ROBO2: variants seen among roughly 807,000 people sequenced by gnomAD.
ROBO2 encodes roundabout homolog 2.
A neutral mutation model predicts 160.8 loss-of-function variants in ROBO2; 53 were observed. The ratio of observed to expected loss-of-function variants is 0.33; its 90% confidence interval spans 0.26 to 0.41. ROBO2 has a LOEUF of 0.41. Ranked by LOEUF, ROBO2 falls within the 10% of genes least tolerant of loss-of-function variation. ROBO2 has a pLI of 1.00. For synonymous variants in ROBO2, 664 were observed against 611.7 expected, an observed-to-expected ratio of 1.09 and a Z score of -1.26; for missense variants, 1,577 against 1,722.4, an observed-to-expected ratio of 0.92 and a Z score of 1.49.
intron 2 of ROBO2, among the ~76,000 whole-genome samples, chr3:76,760,861 A>T (rs1173654525): frequency 1.3e-5 from 2 of 151,676 alleles, no homozygotes; most frequent in Non-Finnish European, 2.9e-5. Context: ...TGCAAAAAAT[A>T]TTTCATATTT....
intron 2 of ROBO2, among the ~76,000 whole-genome samples, chr3:76,049,426 T>G (rs1408903282): frequency 2.5e-5 from 3 of 121,378 alleles, no homozygotes; most frequent in Non-Finnish European, 1.7e-5. Flanking sequence ...TTTTTTTTTG[T>G]AGAGACAGAG....
chr3:76,529,644 C>A (rs552825640), intron 2 of ROBO2, among the ~76,000 whole-genome samples: 48 of 152,154 alleles, frequency 3.2e-4, no homozygotes, highest in African/African-American at 1.1e-3. Context: ...AAATTATTTT[C>A]TTTTCTATAC....
At chr3:76,810,758 C>A (rs998270780) in intron 2 of ROBO2, among the ~76,000 whole-genome samples, 2 of 151,918 alleles carry the variant, frequency 1.3e-5, no homozygotes, top group African/African-American at 2.4e-5. Context: ...AACCTGAAAA[C>A]AAAAAATTAC....
rs200483677 is a variant in ROBO2 at position 77,481,103 on chromosome 3, G to A, written c.551G>A (p.Arg184His). The A allele has an allele frequency of 2.8e-4, 445 of 1,611,478 alleles. 1 individual carries two copies. The highest frequency in any genetic ancestry group is 3.2e-4 in the Non-Finnish European group (376 of 1,178,738). The change falls in exon 4 of 26, where the codon CGT becomes CAT. Residue 184 changes from arginine (R) to histidine (H), a missense_variant. By Grantham distance (29) the Arg-to-His change is conservative. Coordinates refer to ENST00000461745, the Ensembl canonical transcript of ROBO2. ...CTTTTTGTTTGATTTTAACAGATCC[G>A]TGGTGGAAAACTGATGATCTCCAAT...
chr3:76,535,687 T>C (rs2082457833), intron 2 of ROBO2, among the ~76,000 whole-genome samples: 1 of 152,064 alleles, frequency 6.6e-6, no homozygotes, highest in Non-Finnish European at 1.5e-5. Flanking sequence ...GTTGTCCAAG[T>C]TGACACCAGA....
At chr3:76,412,488 G>A (rs1230783168) in intron 2 of ROBO2, among the ~76,000 whole-genome samples, 2 of 152,194 alleles carry the variant, frequency 1.3e-5, no homozygotes, top group Non-Finnish European at 2.9e-5. Flanking sequence ...CTATGAGCTT[G>A]TAAAATCAAA....
In ROBO2 at chr3:76,684,680, T is replaced by G. The variant is rs185544528; in HGVS notation, c.110-413334T>G. Among the ~76,000 whole-genome samples, 3 of 152,030 alleles carry G rather than the reference T, an allele frequency of 2.0e-5. No homozygotes were observed. In the Admixed American group the frequency reaches 2.0e-4, roughly 10 times the overall value. On this transcript the variant is annotated intron_variant, in intron 2 of 26. Transcript: ENST00000487694. The stretch of plus-strand genomic sequence containing the variant: ...TCACTGACTAAAACTGTACATATTT[T>G]GTTATACTACTATGTAAAAATAAAC...
chr3:77,033,940 C>T (rs1030225595), intron 2 of ROBO2, among the ~76,000 whole-genome samples: 5 of 151,720 alleles, frequency 3.3e-5, no homozygotes, highest in African/African-American at 1.2e-4. Flanking sequence ...AATCCAGTGA[C>T]GTGAGGGGTT....
intron 1 of ROBO2, among the ~76,000 whole-genome samples, chr3:77,087,332 C>T (rs1455751615): frequency 1.3e-5 from 2 of 152,078 alleles, no homozygotes; most frequent in East Asian, 3.9e-4. Context: ...TTTCAAACCA[C>T]ATGAAAATAT....
intron 2 of ROBO2, among the ~76,000 whole-genome samples, chr3:76,529,321 C>T (rs1197341899): frequency 6.6e-6 from 1 of 152,146 alleles, no homozygotes; most frequent in Non-Finnish European, 1.5e-5. Flanking sequence ...ATGTACATTG[C>T]TCTGCATGTA....
At chr3:76,936,135 G>A (rs974543411) in intron 2 of ROBO2, among the ~76,000 whole-genome samples, 1 of 151,852 alleles carries the variant, frequency 6.6e-6, no homozygotes, top group African/African-American at 2.4e-5. Context: ...TGCATATTAT[G>A]TTCATATGGA....
intron 1 of ROBO2, among the ~76,000 whole-genome samples, chr3:75,911,859 G>A (rs1946608515): frequency 6.6e-6 from 1 of 152,092 alleles, no homozygotes. Context: ...CCCTGCCGAA[G>A]CCTTGTTTCT....
intron 1 of ROBO2, among the ~76,000 whole-genome samples, chr3:77,050,657 ATTT>A (rs59318050): frequency 1.4e-5 from 2 of 140,904 alleles, no homozygotes; most frequent in African/African-American, 5.2e-5. Context: ...GTCTCAAAAC[ATTT>A]TTTTTTTTTT....
intron 2 of ROBO2, among the ~76,000 whole-genome samples, chr3:76,532,700 A>G (rs2082292674): frequency 6.6e-6 from 1 of 152,136 alleles, no homozygotes; most frequent in African/African-American, 2.4e-5. Context: ...CTTTCATTAA[A>G]AGATGCATGT....
intron 2 of ROBO2, among the ~76,000 whole-genome samples, chr3:75,991,644 G>A (rs1559811579): frequency 6.6e-6 from 1 of 152,088 alleles, no homozygotes. Flanking sequence ...CAGTAGAGTG[G>A]AGTGTTGCTG....
rs143540752 is a variant in ROBO2 at position 77,439,659 on chromosome 3, AT to A, written c.389-37753del. The stretch of plus-strand genomic sequence containing the variant: ...GAGAAGACGCATGCTAACCATTAGT[AT>A]TAAGGAGTACAAGGCAACCTACTAA... On this transcript the variant is annotated intron_variant, in intron 2 of 25. Coordinates refer to ENST00000461745, the Ensembl canonical transcript of ROBO2. Among the ~76,000 whole-genome samples, 818 of 152,234 alleles carry A rather than the reference AT, an allele frequency of 5.4e-3. 6 individuals are homozygous for A. Among genetic ancestry groups the A allele is most frequent in the African/African-American group, 0.019 (773 of 41,564 alleles).
chr3:76,822,387 A>G (rs566412028), intron 2 of ROBO2, among the ~76,000 whole-genome samples: 4 of 152,004 alleles, frequency 2.6e-5, no homozygotes, highest in African/African-American at 4.8e-5. Context: ...TGCAATAACC[A>G]TAAACTTTAA....
chr3:77,327,970 G>C (rs1328249706), intron 2 of ROBO2, among the ~76,000 whole-genome samples: 1 of 148,762 alleles, frequency 6.7e-6, no homozygotes, highest in Non-Finnish European at 1.5e-5. Context: ...AGAATCGCTT[G>C]AACCTGGGAG....
At chr3:75,960,116 C>A (rs2107268063) in intron 2 of ROBO2, among the ~76,000 whole-genome samples, 1 of 151,596 alleles carries the variant, frequency 6.6e-6, no homozygotes, top group African/African-American at 2.4e-5. Context: ...GGGCCAGGGG[C>A]TGGAAAATTG....
Sources: gnomAD v4.1 joint callset for allele counts (sites outside exome capture counted in the v4.1 genomes callset) on GRCh38, gnomAD v4.1.1 for gene constraint, MANE v1.5 for transcripts, NCBI Gene and HGNC (gene_info 2026-07-23, HGNC 2026-07-21) for gene names.